The following DSC1 variants were observed in gnomAD, a reference collection of about 807,000 sequenced individuals.
The protein encoded by DSC1 is desmocollin-1.
A neutral mutation model predicts 98.8 loss-of-function variants in DSC1; 79 were observed. The observed-to-expected ratio is 0.80, with a 90% CI of 0.67 to 0.96. DSC1 has a LOEUF of 0.96. Among genes scored for constraint, DSC1 ranks in the 50% least tolerant of loss-of-function variants. The pLI, the probability that DSC1 is intolerant of heterozygous loss-of-function variation, is 0.00. For missense variants in DSC1, 1,115 were observed against 1,075.9 expected, an observed-to-expected ratio of 1.04 and a Z score of -0.51; for synonymous variants, 405 against 372.1, an observed-to-expected ratio of 1.09 and a Z score of -1.02.
Position 31,130,369 on chromosome 18 carries a change from G to A in DSC1, c.*145C>T. 1 of 796,540 alleles carries A rather than the reference G, an allele frequency of 1.3e-6. No individual in the cohort carries two copies. The highest frequency in any genetic ancestry group is 2.0e-6 in the Non-Finnish European group (1 of 505,148). 49.3% of individuals were successfully genotyped at this position (796,540 alleles called of 1,614,324 possible). On this transcript the variant is annotated 3_prime_UTR_variant, in exon 16 of 16. Transcript: ENST00000257198. ...GTTATACCAGACAAGGAGAATGTAG[G>A]GGAATCTCATATTTATAGTACCCTT...
At chr18:31,135,879 T>C (rs1598614519) in intron 11 of DSC1, among the ~76,000 whole-genome samples, 1 of 152,168 alleles carries the variant, frequency 6.6e-6, no homozygotes, top group African/African-American at 2.4e-5. Context: ...TTGAAACATG[T>C]ATGTTGAATT....
At chr18:31,143,550 T>C in intron 8 of DSC1, 107 bp downstream of exon 8, 1 of 849,400 alleles carries the variant, frequency 1.2e-6, no homozygotes, top group Non-Finnish European at 1.7e-6. Flanking sequence ...TAGTAGTTAT[T>C]TAAATCAAAC....
rs752877045 is a variant in DSC1 at position 31,130,582 on chromosome 18, C to G, written c.2617G>C (p.Gly873Arg). The G allele has an allele frequency of 4.3e-6, 7 of 1,614,118 alleles. No homozygotes were observed. The Admixed American group carries it at 1.2e-4, about 27-fold the overall frequency. The change falls in exon 16 of 16, where the codon GGA becomes CGA. Residue 873 changes from glycine to arginine, a missense_variant. By Grantham distance (125) the Gly-to-Arg change is moderately radical. Coordinates refer to ENST00000257198, the MANE Select transcript of DSC1 (RefSeq NM_024421.2). Reference protein sequence around the residue: ...GCCSDRQEEEGLEFLDHLEPK... With the variant: ...GCCSDRQEEERLEFLDHLEPK... ...TCCAGGTGATCTAGAAACTCCAGTC[C>G]CTCTTCTTCCTGCCGATCGCTGCAG... is the stretch of plus-strand genomic sequence containing the variant.
At chr18:31,133,521 A>G (rs1988540253) in intron 13 of DSC1, among the ~76,000 whole-genome samples, 1 of 152,108 alleles carries the variant, frequency 6.6e-6, no homozygotes, top group African/African-American at 2.4e-5. Context: ...TTTTGTATGT[A>G]TGTATTCCCT....
chr18:31,145,798 G>C lies in DSC1; in HGVS notation c.773-21C>G, dbSNP rs377539413. The C allele has an allele frequency of 4.4e-6, 7 of 1,595,874 alleles. No homozygotes were observed. The South Asian group carries it at 8.0e-5, about 18-fold the overall frequency. On this transcript the variant is annotated intron_variant, in intron 6 of 15. Transcript: ENST00000257198. ...AGTTCCTGTTTAGATAAATCCAAAAGTGTCAAAAATTTCTACTCATATAAT... is the reference window on the plus strand; with the variant it reads ...AGTTCCTGTTTAGATAAATCCAAAACTGTCAAAAATTTCTACTCATATAAT...
intron 11 of DSC1, among the ~76,000 whole-genome samples, chr18:31,136,514 C>T (rs1344876633): frequency 1.3e-5 from 2 of 152,098 alleles, no homozygotes; most frequent in Admixed American, 6.6e-5. Context: ...TTGATAAAAA[C>T]AGATGAAAGA....
chr18:31,140,796 G>A (rs1988718496), intron 9 of DSC1, among the ~76,000 whole-genome samples: 1 of 152,166 alleles, frequency 6.6e-6, no homozygotes, highest in Non-Finnish European at 1.5e-5. Flanking sequence ...AGTTCCTGAT[G>A]AAAGCGCTTG....
At chr18:31,146,452 C>A (rs1988848026) in intron 6 of DSC1, among the ~76,000 whole-genome samples, 1 of 152,146 alleles carries the variant, frequency 6.6e-6, no homozygotes, top group Admixed American at 6.5e-5. Flanking sequence ...TATTCTATGG[C>A]ATTTGTGTAC....
chr18:31,130,770 G>A (rs746545856), intron 15 of DSC1, 59 bp from the exon 16 acceptor site: 2 of 1,611,612 alleles, frequency 1.2e-6, no homozygotes, highest in Non-Finnish European at 8.5e-7. Context: ...CATATTAGCA[G>A]AAAAATGATG....
chr18:31,149,084 T>C (rs2144944816), intron 5 of DSC1, among the ~76,000 whole-genome samples: 1 of 152,354 alleles, frequency 6.6e-6, no homozygotes, highest in Non-Finnish European at 1.5e-5. Context: ...TTTCTCATTT[T>C]TCTATGGTAA....
rs533845804 is a variant in DSC1, at chr18:31,162,090, C to A, written c.63+442G>T. ...CTTAAACTGCTTCGTGGGTAAAATT[C>A]AAAAAGTCCTGGATAATTTGCATGT... On this transcript the variant is annotated intron_variant, in intron 1 of 15. Transcript: ENST00000257198. Among the ~76,000 whole-genome samples the A allele has an allele frequency of 2.6e-5, 4 of 152,256 alleles. No individual in the cohort carries two copies. The South Asian group carries it at 8.3e-4, about 32-fold the overall frequency.
rs182266902 is a variant in DSC1 at position 31,160,652 on chromosome 18, C to T, written c.64-1123G>A. On this transcript the variant is annotated intron_variant, in intron 1 of 15. Transcript: ENST00000257198. ...AAAAACCACTTTTTAAAACGTGAGA[C>T]ATTCGTATTTATTTAACTTTTTAAA... is the stretch of plus-strand genomic sequence containing the variant. Among the ~76,000 whole-genome samples the T allele has an allele frequency of 6.6e-3, 1,009 of 152,240 alleles. 11 individuals are homozygous for T. Among genetic ancestry groups the T allele is most frequent in the African/African-American group, 0.023 (953 of 41,554 alleles).
At position 31,157,397 on chromosome 18, in the gene DSC1, C is replaced by A. The variant is rs537908477; in HGVS notation, c.325G>T (p.Val109Phe). 3 of 1,614,156 alleles carry A rather than the reference C, an allele frequency of 1.9e-6. No individual in the cohort carries two copies. In the Admixed American group the frequency reaches 5.0e-5, roughly 27 times the overall value. The stretch of plus-strand genomic sequence containing the variant: ...TTGTTTTCTCTTGCTGACAGTACAA[C>A]TTTTATCTCTTGTTGTTCCCGTCTC... ...GQRREQQEIKVVLSARENKSP... is the reference protein window; with the variant it reads ...GQRREQQEIKFVLSARENKSP... The change falls in exon 3 of 16, where the codon GTT becomes TTT. Residue 109 changes from valine to phenylalanine, a missense_variant. Transcript: ENST00000257198.
At chr18:31,158,736 T>C (rs1989148647) in intron 2 of DSC1, among the ~76,000 whole-genome samples, 1 of 152,166 alleles carries the variant, frequency 6.6e-6, no homozygotes, top group African/African-American at 2.4e-5. Flanking sequence ...GTAATCAACC[T>C]CAAGTACAAA....
At chr18:31,141,600 A>T (rs554406026) in intron 9 of DSC1, among the ~76,000 whole-genome samples, 1 of 152,314 alleles carries the variant, frequency 6.6e-6, no homozygotes, top group East Asian at 1.9e-4. Context: ...AGAGGTAAAA[A>T]TAAAATGTAC....
intron 1 of DSC1, among the ~76,000 whole-genome samples, chr18:31,161,618 T>C (rs902377506): frequency 6.6e-6 from 1 of 152,146 alleles, no homozygotes; most frequent in Non-Finnish European, 1.5e-5. Context: ...AGATGAATTG[T>C]CCAAGAGATA....
At position 31,134,578 on chromosome 18, in the gene DSC1, T is replaced by C. The variant is rs781771158; in HGVS notation, c.1870A>G (p.Lys624Glu). 1.2e-5 allele frequency: 19 copies of C among 1,607,506 alleles called. No individual in the cohort carries two copies. Among genetic ancestry groups the C allele is most frequent in the Non-Finnish European group, 1.4e-5 (17 of 1,175,978 alleles). Reference protein sequence around the residue: ...SASKNWNIEEKDGKTAILRQR... With the variant: ...SASKNWNIEEEDGKTAILRQR... ...ATTTAGCATGATTACATACCATCCTTTTCTTCTATGTTCCAGTTTTTACTG... is the reference window on the plus strand; with the variant it reads ...ATTTAGCATGATTACATACCATCCTCTTCTTCTATGTTCCAGTTTTTACTG... The change falls in exon 12 of 16, where the codon AAG becomes GAG. Residue 624 changes from lysine (K) to glutamate (E), a missense_variant. Coordinates refer to ENST00000257198, the MANE Select transcript of DSC1 (RefSeq NM_024421.2).
At chr18:31,144,936 C>CTTTTTTTTTTTTTT (rs200787420) in intron 7 of DSC1, among the ~76,000 whole-genome samples, 1 of 95,310 alleles carries the variant, frequency 1.0e-5, no homozygotes, top group Non-Finnish European at 1.9e-5. Flanking sequence ...TTTTCTTTTT[C>CTTTTTTTTTTTTTT]TTTCTTTTTT....
At position 31,130,990 on chromosome 18, in the gene DSC1, A is replaced by G; in HGVS notation, c.2488-279T>C. On this transcript the variant is annotated intron_variant, in intron 15 of 15. Transcript: ENST00000257198. ...ATAATTTCCCATTTGAACACAAAAC[A>G]TGTATATTTGAAATTTACCTTTGTA... 7 of 790,872 alleles carry G rather than the reference A, an allele frequency of 8.9e-6. No homozygotes were observed. The South Asian group carries it at 1.4e-4, about 16-fold the overall frequency. The allele number at this position is 790,872 out of a possible 1,614,324, so 49.0% of individuals were successfully genotyped here. A position where few individuals can be genotyped will look rare whatever the true frequency, so the allele number is the denominator to read the frequency against.
Sources: allele counts gnomAD v4.1 joint callset (sites outside exome capture counted in the v4.1 genomes callset), GRCh38; gene constraint gnomAD v4.1.1; transcripts MANE v1.5; gene names NCBI Gene and HGNC (gene_info 2026-07-23, HGNC 2026-07-21).